AP3B1: variants seen among roughly 807,000 people sequenced by gnomAD.
AP3B1 encodes AP-3 complex subunit beta-1.
A neutral mutation model predicts 132.5 loss-of-function variants in AP3B1; 61 were observed. That is an observed-to-expected ratio of 0.46 (90% CI 0.37 to 0.57). The LOEUF (loss-of-function observed/expected upper bound fraction) is 0.57. AP3B1 is among the 20% of genes least tolerant of loss of function. The pLI, the probability that AP3B1 is intolerant of heterozygous loss-of-function variation, is 0.00. For missense variants in AP3B1, 1,120 were observed against 1,289.4 expected, an observed-to-expected ratio of 0.87 and a Z score of 2.01; for synonymous variants, 388 against 438.3, an observed-to-expected ratio of 0.89 and a Z score of 1.43.
intron 24 of AP3B1, among the ~76,000 whole-genome samples, chr5:78,029,895 A>C (rs1206819282): frequency 1.3e-5 from 2 of 152,166 alleles, no homozygotes; most frequent in Non-Finnish European, 2.9e-5. Context: ...GTTATCTTTA[A>C]TAATTTAAAC....
chr5:78,226,066 T>A (rs1035841518), intron 5 of AP3B1, among the ~76,000 whole-genome samples: 1 of 152,048 alleles, frequency 6.6e-6, no homozygotes, highest in Non-Finnish European at 1.5e-5. Context: ...CATTATAAAA[T>A]CTGCCAACTA....
chr5:78,140,102 C>T (rs1753081803), intron 15 of AP3B1, among the ~76,000 whole-genome samples: 1 of 152,140 alleles, frequency 6.6e-6, no homozygotes, highest in Non-Finnish European at 1.5e-5. Context: ...AGTCCACTCA[C>T]AGAGAATAGC....
intron 20 of AP3B1, among the ~76,000 whole-genome samples, chr5:78,104,631 A>T (rs975070413): frequency 2.0e-5 from 3 of 152,134 alleles, no homozygotes; most frequent in Admixed American, 6.5e-5. Flanking sequence ...ACATAAAACC[A>T]ATCAAAAAAT....
rs370193354 is a variant in AP3B1 at position 78,099,153 on chromosome 5, C to G, written c.2470+1800G>C. Among the ~76,000 whole-genome samples the G allele has an allele frequency of 1.1e-4, 16 of 152,316 alleles. No individual in the cohort carries two copies. The East Asian group carries it at 2.9e-3, about 28-fold the overall frequency. ...CTATCTCTGAAGCAGAGCTAGCCCTCACCTATCATCAAATACGCTGGCACC... is the reference window on the plus strand; with the variant it reads ...CTATCTCTGAAGCAGAGCTAGCCCTGACCTATCATCAAATACGCTGGCACC... On this transcript the variant is annotated intron_variant, in intron 21 of 26. Coordinates refer to ENST00000255194, the MANE Select transcript of AP3B1 (RefSeq NM_003664.5).
At chr5:78,183,631 A>G (rs1403720315) in intron 7 of AP3B1, among the ~76,000 whole-genome samples, 1 of 152,206 alleles carries the variant, frequency 6.6e-6, no homozygotes, top group East Asian at 1.9e-4. Flanking sequence ...GCACTCTGGG[A>G]GGCCGAGGTG....
At chr5:78,135,612 A>G (rs1045675312) in intron 15 of AP3B1, among the ~76,000 whole-genome samples, 4 of 152,192 alleles carry the variant, frequency 2.6e-5, no homozygotes, top group Non-Finnish European at 4.4e-5. Context: ...AGATATACAC[A>G]TATGTATTTA....
chr5:78,190,712 G>C (rs2112431905), intron 7 of AP3B1, among the ~76,000 whole-genome samples: 1 of 152,166 alleles, frequency 6.6e-6, no homozygotes, highest in Non-Finnish European at 1.5e-5. Context: ...TGTTTATAAA[G>C]ATTGAATCAG....
At chr5:78,194,988 C>T (rs574859933) in intron 7 of AP3B1, among the ~76,000 whole-genome samples, 45 of 149,340 alleles carry the variant, frequency 3.0e-4, no homozygotes, top group African/African-American at 1.0e-3. Flanking sequence ...AAAATATGTA[C>T]ATGTATGAAA....
intron 26 of AP3B1, among the ~76,000 whole-genome samples, chr5:78,005,764 C>G (rs1166987368): frequency 6.6e-6 from 1 of 152,176 alleles, no homozygotes; most frequent in Non-Finnish European, 1.5e-5. Flanking sequence ...ACAGCATGAT[C>G]AAAATTGGTT....
At chr5:78,121,487 A>G (rs1213541126) in intron 17 of AP3B1, among the ~76,000 whole-genome samples, 5 of 152,192 alleles carry the variant, frequency 3.3e-5, no homozygotes, top group Non-Finnish European at 5.9e-5. Flanking sequence ...AATCAAATAG[A>G]TGCAATAAAA....
At chr5:78,208,001 C>T (rs1324947325) in intron 7 of AP3B1, among the ~76,000 whole-genome samples, 1 of 152,050 alleles carries the variant, frequency 6.6e-6, no homozygotes, top group Admixed American at 6.6e-5. Flanking sequence ...CTCCCATCTA[C>T]CCACTCTTAA....
At chr5:78,169,066 T>C (rs978106253) in intron 11 of AP3B1, among the ~76,000 whole-genome samples, 1 of 152,180 alleles carries the variant, frequency 6.6e-6, no homozygotes, top group African/African-American at 2.4e-5. Context: ...ATATCTCCTC[T>C]ACTATATGGT....
chr5:78,023,886 A>C (rs1747213822), intron 24 of AP3B1, among the ~76,000 whole-genome samples: 2 of 152,350 alleles, frequency 1.3e-5, no homozygotes, highest in South Asian at 4.1e-4. Context: ...AGAATGAAGA[A>C]GCAAAGGAAT....
At chr5:78,138,614 A>T (rs1297865525) in intron 15 of AP3B1, among the ~76,000 whole-genome samples, 1 of 152,146 alleles carries the variant, frequency 6.6e-6, no homozygotes, top group African/African-American at 2.4e-5. Flanking sequence ...GCTACATAAA[A>T]ATTTGTGATT....
intron 2 of AP3B1, among the ~76,000 whole-genome samples, chr5:78,245,985 A>T (rs759748402): frequency 1.3e-5 from 2 of 152,202 alleles, no homozygotes; most frequent in Non-Finnish European, 2.9e-5. Flanking sequence ...ATGTTTAGGG[A>T]GCAGCTGGGC....
In AP3B1 at chr5:78,267,606, AGAG is replaced by A. The variant is rs1482662524; in HGVS notation, c.129-14_129-12del. On this transcript the variant is annotated splice_polypyrimidine_tract_variant and intron_variant, in intron 1 of 26. Coordinates refer to ENST00000255194, the MANE Select transcript of AP3B1 (RefSeq NM_003664.5). The stretch of plus-strand genomic sequence containing the variant: ...TTTAGATCTTCATTCCTATTACAAA[AGAG>A]AAGAAAAAAAATCCATACTTTGATT... 1.3e-6 allele frequency: 2 copies of A among 1,546,572 alleles called. No individual in the cohort carries two copies. The highest frequency in any genetic ancestry group is 1.8e-6 in the Non-Finnish European group (2 of 1,122,146).
chr5:78,070,817 A>G (rs1432858100), intron 22 of AP3B1, among the ~76,000 whole-genome samples: 2 of 152,238 alleles, frequency 1.3e-5, no homozygotes, highest in African/African-American at 4.8e-5. Context: ...AGAAAGCTCC[A>G]TATCACTGAT....
intron 11 of AP3B1, among the ~76,000 whole-genome samples, chr5:78,170,194 G>C (rs1337946545): frequency 6.6e-6 from 1 of 152,130 alleles, no homozygotes. Context: ...CTTTGCTATT[G>C]TGAATAGTGC....
chr5:78,005,220 A>G (rs955533314), intron 26 of AP3B1, among the ~76,000 whole-genome samples: 1 of 152,212 alleles, frequency 6.6e-6, no homozygotes. Context: ...ATAATTATGT[A>G]AACAATAGTC....
Sources: allele counts gnomAD v4.1 joint callset (sites outside exome capture counted in the v4.1 genomes callset), GRCh38; gene constraint gnomAD v4.1.1; transcripts MANE v1.5; gene names NCBI Gene and HGNC (gene_info 2026-07-23, HGNC 2026-07-21).